CHST15: variants seen among roughly 807,000 people sequenced by gnomAD.
CHST15 encodes carbohydrate sulfotransferase 15, also known as B cell RAG associated protein (GALNAC4S-6ST).
CHST15 carries 30 observed loss-of-function variants against 53.6 expected under a neutral mutation model. The observed-to-expected ratio is 0.56, with a 90% CI of 0.42 to 0.76. The LOEUF is 0.76. Ranked by LOEUF, CHST15 falls within the 30% of genes least tolerant of loss-of-function variation. The probability of loss-of-function intolerance (pLI) is 0.00; values close to 1 mark genes in which losing one functional copy is unlikely to be tolerated. For synonymous variants in CHST15, 296 were observed against 289.8 expected (o/e 1.02, Z -0.22); for missense variants, 627 against 740.5 (o/e 0.85, Z 1.78).
At chr10:124,038,938 G>GCTC (rs1416292562) in intron 4 of CHST15, among the ~76,000 whole-genome samples, 3 of 151,900 alleles carry the variant, frequency 2.0e-5, no homozygotes, top group African/African-American at 2.4e-5. Context: ...CCACCCCTGA[G>GCTC]CTCCTCTTTC....
intron 6 of CHST15, among the ~76,000 whole-genome samples, chr10:124,017,034 C>T (rs1425848549): frequency 2.0e-5 from 3 of 152,180 alleles, no homozygotes; most frequent in Admixed American, 2.0e-4. Context: ...GGCTTGCCCC[C>T]AGGGCGCTGG....
At position 124,038,458 on chromosome 10, in the gene CHST15, A is replaced by T. The variant is rs372446791; in HGVS notation, c.1190+57T>A. 82 of 1,579,614 alleles carry T rather than the reference A, an allele frequency of 5.2e-5. 1 individual carries two copies. Among genetic ancestry groups the T allele is most frequent in the East Asian group, 4.3e-4 (19 of 44,412 alleles). ...ATCTTATTTGTCATGAGAGGGGAACACTGTTCTTCAAAAGTTCCTCTTCTC... is the reference window on the plus strand; with the variant it reads ...ATCTTATTTGTCATGAGAGGGGAACTCTGTTCTTCAAAAGTTCCTCTTCTC... On this transcript the variant is annotated intron_variant, in intron 5 of 7. Transcript: ENST00000435907.
In CHST15 at chr10:124,021,370, G is replaced by A. The variant is rs139630938; in HGVS notation, c.1233C>T (p.Ser411=). 8,449 of 1,613,914 alleles carry A rather than the reference G, an allele frequency of 5.2e-3. 39 individuals carry two copies. Among genetic ancestry groups the A allele is most frequent in the Non-Finnish European group, 6.0e-3 (7,036 of 1,179,930 alleles). Residue 411 remains serine, a synonymous_variant, in exon 6 of 8, where the codon TCC becomes TCT. Coordinates refer to ENST00000435907, the MANE Select transcript of CHST15 (RefSeq NM_001270764.2). ...DYLYFASSNK[S]ADDFHEKVTE... Reference sequence around the variant, plus strand: ...TCACTTTCTCATGGAAGTCGTCCGCGGATTTATTCGAACTTGCAAAGTAGA... The same window carrying A: ...TCACTTTCTCATGGAAGTCGTCCGCAGATTTATTCGAACTTGCAAAGTAGA...
intron 1 of CHST15, among the ~76,000 whole-genome samples, chr10:124,093,202 C>A (rs1949659268): frequency 6.6e-6 from 1 of 152,154 alleles, no homozygotes; most frequent in African/African-American, 2.4e-5. Flanking sequence ...GGGGCCCAAA[C>A]CTGCCTCGGC....
intron 1 of CHST15, among the ~76,000 whole-genome samples, chr10:124,070,398 G>A (rs918436296): frequency 6.6e-6 from 1 of 152,082 alleles, no homozygotes; most frequent in Admixed American, 6.5e-5. Flanking sequence ...TTTTTGTTTT[G>A]ACACTGAGTC....
At chr10:124,080,593 G>T (rs1204794062) in intron 1 of CHST15, among the ~76,000 whole-genome samples, 3 of 152,178 alleles carry the variant, frequency 2.0e-5, no homozygotes, top group Non-Finnish European at 4.4e-5. Flanking sequence ...CCTCAATAAA[G>T]AGTTCTTTTC....
At position 124,038,416 on chromosome 10, in the gene CHST15, T is replaced by G. The variant is rs978273867; in HGVS notation, c.1190+99A>C. 9 of 1,437,720 alleles carry G rather than the reference T, an allele frequency of 6.3e-6. No individual in the cohort carries two copies. The African/African-American group carries it at 1.1e-4, about 18-fold the overall frequency. 89.1% of individuals were successfully genotyped at this position (1,437,720 alleles called of 1,614,324 possible). A position where few individuals can be genotyped will look rare whatever the true frequency, so the allele number is the denominator to read the frequency against. On this transcript the variant is annotated intron_variant, in intron 5 of 7. Coordinates refer to ENST00000435907, the MANE Select transcript of CHST15 (RefSeq NM_001270764.2). ...CCACTGTACCCGACCTGTTTAATTT[T>G]TTCTAAAGGAGACAAAATCTTATTT...
intron 1 of CHST15, among the ~76,000 whole-genome samples, chr10:124,049,115 T>A (rs745499384): frequency 2.9e-4 from 44 of 152,212 alleles, no homozygotes; most frequent in Non-Finnish European, 6.2e-4. Context: ...CCTAGCATTC[T>A]TTCATTCATT....
At chr10:124,032,302 C>T (rs1947254554) in intron 5 of CHST15, among the ~76,000 whole-genome samples, 1 of 152,190 alleles carries the variant, frequency 6.6e-6, no homozygotes, top group South Asian at 2.1e-4. Flanking sequence ...GGAAAATGAA[C>T]CATTCCTGTG....
chr10:124,081,833 A>G (rs888294860), intron 1 of CHST15, among the ~76,000 whole-genome samples: 3 of 152,142 alleles, frequency 2.0e-5, no homozygotes, highest in Non-Finnish European at 4.4e-5. Flanking sequence ...GCTTTCACCC[A>G]GCGTACCCTT....
chr10:124,071,949 C>A (rs542405969), intron 1 of CHST15, among the ~76,000 whole-genome samples: 2 of 152,372 alleles, frequency 1.3e-5, no homozygotes, highest in Non-Finnish European at 2.9e-5. Context: ...GAGCTTCCTG[C>A]ACGAGGCTGC....
At chr10:124,048,773 T>C (rs1948089332) in intron 1 of CHST15, among the ~76,000 whole-genome samples, 1 of 152,176 alleles carries the variant, frequency 6.6e-6, no homozygotes, top group Admixed American at 6.5e-5. Flanking sequence ...CGAATTAGAT[T>C]CTTTAAAAAG....
At chr10:124,028,891 C>T (rs1053956835) in intron 5 of CHST15, among the ~76,000 whole-genome samples, 2 of 151,716 alleles carry the variant, frequency 1.3e-5, no homozygotes, top group African/African-American at 4.8e-5. Flanking sequence ...CCTCCCCGTG[C>T]TCCTCAAACA....
At chr10:124,076,951 C>T (rs2069509188) in intron 1 of CHST15, among the ~76,000 whole-genome samples, 1 of 152,220 alleles carries the variant, frequency 6.6e-6, no homozygotes, top group Admixed American at 6.5e-5. Context: ...CCTCGTGATC[C>T]ACCTGCCTCA....
intron 5 of CHST15, among the ~76,000 whole-genome samples, chr10:124,037,077 G>C (rs1947526209): frequency 6.6e-6 from 1 of 152,158 alleles, no homozygotes; most frequent in African/African-American, 2.4e-5. Context: ...GCACCCCTTG[G>C]CTGGTGGCAG....
rs1949565730 is a variant in CHST15 at position 124,090,289 on chromosome 10, C to G, written c.-513+3180G>C. ...CAAGACCTGTTGACACTGTTTTCCC[C>G]CCAACTGGCTGGAGCTGAGTCTAGT... On this transcript the variant is annotated intron_variant, in intron 1 of 7. Coordinates refer to ENST00000435907, the MANE Select transcript of CHST15 (RefSeq NM_001270764.2). 2.6e-5 allele frequency among the ~76,000 whole-genome samples: 4 copies of G among 152,220 alleles called. No homozygotes were observed. In the South Asian group the frequency reaches 8.3e-4, roughly 31 times the overall value.
At chr10:124,066,590 T>C (rs1430320875) in intron 1 of CHST15, among the ~76,000 whole-genome samples, 2 of 152,232 alleles carry the variant, frequency 1.3e-5, no homozygotes, top group Non-Finnish European at 2.9e-5. Flanking sequence ...AAGTCTTTGG[T>C]TGACTTAGTT....
At chr10:124,081,709 G>A (rs775166228) in intron 1 of CHST15, among the ~76,000 whole-genome samples, 19 of 152,094 alleles carry the variant, frequency 1.2e-4, no homozygotes, top group African/African-American at 1.9e-4. Context: ...AAACATAAAC[G>A]CTGGAAGGAC....
At chr10:124,091,449 C>T (rs147955334) in intron 1 of CHST15, among the ~76,000 whole-genome samples, 244 of 152,216 alleles carry the variant, frequency 1.6e-3, no homozygotes, top group African/African-American at 5.2e-3. Context: ...CAGGGCCCCT[C>T]GGGGGTGCAG....
Sources: gnomAD v4.1 joint callset for allele counts (sites outside exome capture counted in the v4.1 genomes callset) on GRCh38, gnomAD v4.1.1 for gene constraint, MANE v1.5 for transcripts, NCBI Gene and HGNC (gene_info 2026-07-23, HGNC 2026-07-21) for gene names.